Variants in SERPINC1 observed in about 807,000 individuals in gnomAD.
SERPINC1 encodes the protein serpin family C member 1, also known as antithrombin-III.
Under a neutral mutation model 43.4 loss-of-function variants are expected in SERPINC1, and 12 were observed. The observed-to-expected ratio is 0.28, with a 90% CI of 0.18 to 0.45. The LOEUF (loss-of-function observed/expected upper bound fraction) is 0.45, where lower values mean the gene tolerates loss of function less well. Ranked by LOEUF, SERPINC1 falls within the 20% of genes least tolerant of loss-of-function variation. The probability of loss-of-function intolerance (pLI) is 1.00; values close to 1 mark genes in which losing one functional copy is unlikely to be tolerated. For synonymous variants in SERPINC1, 210 were observed against 218.9 expected (o/e 0.96, Z 0.36); for missense variants, 423 against 578.8 (o/e 0.73, Z 2.76).
chr1:173,909,191 C>G (rs2102781825), intron 5 of SERPINC1, among the ~76,000 whole-genome samples: 1 of 136,694 alleles, frequency 7.3e-6, no homozygotes, highest in Admixed American at 7.0e-5. Context: ...TAATAAATGT[C>G]AGTGAGGCCT....
At chr1:173,916,266 C>T (rs1020160387) in intron 1 of SERPINC1, among the ~76,000 whole-genome samples, 7 of 152,140 alleles carry the variant, frequency 4.6e-5, no homozygotes, top group African/African-American at 1.7e-4. Context: ...TGCGTGTACA[C>T]AAGGGGGTCT....
Position 173,909,740 on chromosome 1 carries a change from T to C in SERPINC1, c.965A>G (p.Lys322Arg). The C allele has an allele frequency of 1.9e-6, 3 of 1,614,178 alleles. No individual in the cohort carries two copies. Among genetic ancestry groups the C allele is most frequent in the Non-Finnish European group, 2.5e-6 (3 of 1,179,992 alleles). ...TMVLILPKPE[K>R]SLAKVEKELT... ...TTCCTTCTCTACCTTGGCCAGGCTC[T>C]TCTCAGGCTTGGGCAAGATGAGGAC... Residue 322 changes from lysine to arginine, a missense_variant, in exon 5 of 7, where the codon AAG (lysine) becomes AGG (arginine). By Grantham distance (26) the Lys-to-Arg change is conservative. Transcript: ENST00000367698.
intron 5 of SERPINC1, among the ~76,000 whole-genome samples, chr1:173,907,984 A>AAATAATACT (rs1657594268): frequency 2.2e-5 from 3 of 139,426 alleles, no homozygotes; most frequent in African/African-American, 7.9e-5. Flanking sequence ...TGCATCTCAA[A>AAATAATACT]AATAATAATA....
At chr1:173,909,493 C>G in intron 5 of SERPINC1, 59 bp downstream of exon 5, 3 of 1,573,898 alleles carry the variant, frequency 1.9e-6, no homozygotes, top group Non-Finnish European at 2.6e-6. Flanking sequence ...CCAACTCTTC[C>G]ACTTTTGGTC....
At chr1:173,907,429 G>C (rs1657562177) in intron 6 of SERPINC1, 21 bp downstream of exon 6, 2 of 1,576,962 alleles carry the variant, frequency 1.3e-6, no homozygotes, top group Non-Finnish European at 1.7e-6. Flanking sequence ...TACCCTAAGA[G>C]AGTGGGGAAG....
chr1:173,913,801 G>T (rs928188071), intron 2 of SERPINC1, among the ~76,000 whole-genome samples: 2 of 150,916 alleles, frequency 1.3e-5, no homozygotes, highest in Non-Finnish European at 2.9e-5. Flanking sequence ...GTTGCAGTGA[G>T]CTGAGATCGT....
intron 4 of SERPINC1, 92 bp from the exon 5 acceptor site, chr1:173,910,034 T>G: frequency 7.7e-7 from 1 of 1,298,614 alleles, no homozygotes; most frequent in Non-Finnish European, 1.1e-6. Flanking sequence ...TACATTAATA[T>G]ATAATTATTC....
chr1:173,907,707 C>T (rs935553538), intron 5 of SERPINC1, among the ~76,000 whole-genome samples, 193 bp from the exon 6 acceptor site: 1 of 152,124 alleles, frequency 6.6e-6, no homozygotes, highest in African/African-American at 2.4e-5. Flanking sequence ...GGGCTGGGTG[C>T]AGTGGCTCAC....
At chr1:173,916,391 G>A (rs1305208534) in intron 1 of SERPINC1, among the ~76,000 whole-genome samples, 4 of 152,206 alleles carry the variant, frequency 2.6e-5, no homozygotes, top group African/African-American at 9.6e-5. Context: ...AGCTGGGGCA[G>A]CTGAGGGGGA....
At chr1:173,907,001 C>G (rs1214654162) in intron 6 of SERPINC1, among the ~76,000 whole-genome samples, 2 of 152,102 alleles carry the variant, frequency 1.3e-5, no homozygotes, top group Non-Finnish European at 2.9e-5. Context: ...GCCTGTCATC[C>G]CAGCTACCCA....
rs1201009065 is a variant in SERPINC1, at chr1:173,909,435, G to A, written c.1153+117C>T. 14 of 1,009,710 alleles carry A rather than the reference G, an allele frequency of 1.4e-5. No homozygotes were observed. In the Admixed American group the frequency reaches 2.3e-4, roughly 17 times the overall value. The allele number at this position is 1,009,710 out of a possible 1,614,324, so 62.5% of individuals were successfully genotyped here. A position where few individuals can be genotyped will look rare whatever the true frequency, so the allele number is the denominator to read the frequency against. ...TTCCACAAATTAGCAGTAGAAACTA[G>A]GATCAGTATCCAGGAGTCCTGACTT... On this transcript the variant is annotated intron_variant, in intron 5 of 6. Coordinates refer to ENST00000367698, the MANE Select transcript of SERPINC1 (RefSeq NM_000488.4).
At position 173,911,793 on chromosome 1, in the gene SERPINC1, A is replaced by G. The variant is rs1657778765; in HGVS notation, c.624+6T>C. On this transcript the variant is annotated splice_donor_region_variant and intron_variant, in intron 3 of 6. Transcript: ENST00000367698. ...TCGGAGGTCAGGGGTAACATCTGCA[A>G]CTCACCTTGAAGTCCAGGGGCTGGA... The G allele has an allele frequency of 1.2e-6, 2 of 1,611,004 alleles. No homozygotes were observed. The highest frequency in any genetic ancestry group is 1.7e-6 in the Non-Finnish European group (2 of 1,177,300).
rs564406545 is a variant in SERPINC1, at chr1:173,908,760, A to T, written c.1153+792T>A. Among the ~76,000 whole-genome samples, 88 of 152,020 alleles carry T rather than the reference A, an allele frequency of 5.8e-4. 1 individual carries two copies. In the South Asian group the frequency reaches 7.5e-3, roughly 13 times the overall value. On this transcript the variant is annotated intron_variant, in intron 5 of 6. Coordinates refer to ENST00000367698, the MANE Select transcript of SERPINC1 (RefSeq NM_000488.4). Reference sequence around the variant, plus strand: ...TATTTTTTGTAGAGACCATCTCACTATGTTGTCCAGGCTGGTCTCGAACTC... The same window carrying T: ...TATTTTTTGTAGAGACCATCTCACTTTGTTGTCCAGGCTGGTCTCGAACTC...
intron 5 of SERPINC1, 78 bp downstream of exon 5, chr1:173,909,474 A>G (rs940324340): frequency 5.4e-6 from 8 of 1,482,116 alleles, no homozygotes; most frequent in African/African-American, 2.8e-5. Flanking sequence ...GCTCCTTTCT[A>G]TTCTTTCTCC....
chr1:173,911,781 G>C lies in SERPINC1; in HGVS notation c.624+18C>G. 1 of 1,595,354 alleles carries C rather than the reference G, an allele frequency of 6.3e-7. No homozygotes were observed. The highest frequency in any genetic ancestry group is 1.1e-5 in the South Asian group (1 of 90,730). On this transcript the variant is annotated intron_variant, in intron 3 of 6. Transcript: ENST00000367698. ...GAGAGGAAGAACTCGGAGGTCAGGG[G>C]TAACATCTGCAACTCACCTTGAAGT...
At chr1:173,911,091 T>C (rs1158791747) in intron 3 of SERPINC1, among the ~76,000 whole-genome samples, 200 bp from the exon 4 acceptor site, 1 of 151,964 alleles carries the variant, frequency 6.6e-6, no homozygotes, top group East Asian at 1.9e-4. Context: ...TAATAAATAT[T>C]ATCAGAAGAA....
At chr1:173,914,041 G>A (rs968303671) in intron 2 of SERPINC1, among the ~76,000 whole-genome samples, 14 of 150,886 alleles carry the variant, frequency 9.3e-5, no homozygotes, top group African/African-American at 3.2e-4. Context: ...CTGCACCACT[G>A]CACTCCAGCC....
rs184508490 is a variant in SERPINC1, at chr1:173,909,823, G to A, written c.882C>T (p.Arg294=). ...CAAGCACCTGGGTGCCTTCAGCCAC[G>A]CGCCGATAACGGAACTTGCCTTCCT... is the stretch of plus-strand genomic sequence containing the variant. The part of the protein sequence containing the change: ...MYQEGKFRYR[R]VAEGTQVLEL... The change falls in exon 5 of 7, where the codon CGC becomes CGT. Residue 294 remains arginine, a synonymous_variant. Transcript: ENST00000367698. 1.1e-5 allele frequency: 18 copies of A among 1,614,112 alleles called. No homozygotes were observed. Among genetic ancestry groups the A allele is most frequent in the South Asian group, 6.6e-5 (6 of 91,076 alleles).
rs370190321 is a variant in SERPINC1 at position 173,909,835 on chromosome 1, G to A, written c.870C>T (p.Phe290=). 724 of 1,612,902 alleles carry A rather than the reference G, an allele frequency of 4.5e-4. No homozygotes were observed. Among genetic ancestry groups the A allele is most frequent in the Non-Finnish European group, 5.7e-4 (671 of 1,179,332 alleles). ...SASMMYQEGK[F]RYRRVAEGTQ... ...TGCCTTCAGCCACGCGCCGATAACG[G>A]AACTTGCCTTCCTGGTACATCATAG... Residue 290 remains phenylalanine, a synonymous_variant, in exon 5 of 7, where the codon TTC becomes TTT. Coordinates refer to ENST00000367698, the MANE Select transcript of SERPINC1 (RefSeq NM_000488.4).
Sources: gnomAD v4.1 joint callset for allele counts (sites outside exome capture counted in the v4.1 genomes callset) on GRCh38, gnomAD v4.1.1 for gene constraint, MANE v1.5 for transcripts, NCBI Gene and HGNC (gene_info 2026-07-23, HGNC 2026-07-21) for gene names.